The following SIM1 variants were observed in gnomAD, a reference collection of about 807,000 sequenced individuals.
SIM1 encodes the protein single-minded homolog 1.
A neutral mutation model predicts 78.2 loss-of-function variants in SIM1; 18 were observed. The ratio of observed to expected loss-of-function variants is 0.23; its 90% CI spans 0.16 to 0.34. The LOEUF (loss-of-function observed/expected upper bound fraction) is 0.34. SIM1 is among the 10% of genes least tolerant of loss of function. The pLI is 1.00. For missense variants in SIM1, 939 were observed against 975.1 expected, an observed-to-expected ratio of 0.96 and a Z score of 0.49; for synonymous variants, 417 against 385.2, an observed-to-expected ratio of 1.08 and a Z score of -0.97.
At chr6:100,450,663 C>G (rs1049664086) in intron 3 of SIM1, among the ~76,000 whole-genome samples, 57 of 109,094 alleles carry the variant, frequency 5.2e-4, no homozygotes, top group Admixed American at 3.1e-3. Context: ...CACACACACA[C>G]TGTCTCTCTC....
intron 9 of SIM1, among the ~76,000 whole-genome samples, chr6:100,428,318 T>C (rs1251123663): frequency 1.3e-5 from 2 of 152,176 alleles, no homozygotes; most frequent in Non-Finnish European, 2.9e-5. Flanking sequence ...AGAAAGATAG[T>C]GTTTTAGATG....
rs1336670340 is a variant in SIM1 at position 100,388,266 on chromosome 6, C to T, written c.*2095G>A. 6.6e-6 allele frequency: 1 copy of T among 152,156 alleles called. No homozygotes were observed. Among genetic ancestry groups the T allele is most frequent in the African/African-American group, 2.4e-5 (1 of 41,436 alleles). 9.4% of individuals were successfully genotyped at this position (152,156 alleles called of 1,614,324 possible). ...CATACTCAAGTCCTGCCTGTTGGCC[C>T]TGTGGCGCTCACTTATACAAAACAT... On this transcript the variant is annotated 3_prime_UTR_variant, in exon 12 of 12. Coordinates refer to ENST00000369208, the MANE Select transcript of SIM1 (RefSeq NM_005068.3).
intron 3 of SIM1, among the ~76,000 whole-genome samples, chr6:100,452,397 C>T (rs1013561535): frequency 2.0e-5 from 3 of 152,182 alleles, no homozygotes; most frequent in South Asian, 2.1e-4. Context: ...ATCTGGCATG[C>T]GATTGCCCCT....
At chr6:100,433,967 G>A (rs900239827) in intron 9 of SIM1, among the ~76,000 whole-genome samples, 10 of 151,930 alleles carry the variant, frequency 6.6e-5, no homozygotes, top group South Asian at 2.1e-4. Context: ...ATTTCTTACC[G>A]TTACCTTAAT....
intron 10 of SIM1, among the ~76,000 whole-genome samples, chr6:100,408,903 T>A (rs999287281): frequency 6.6e-6 from 1 of 152,156 alleles, no homozygotes; most frequent in Non-Finnish European, 1.5e-5. Context: ...GGCTTCAGTA[T>A]CAGGGTAATG....
chr6:100,458,093 T>C (rs1317915670), intron 2 of SIM1, among the ~76,000 whole-genome samples: 1 of 148,918 alleles, frequency 6.7e-6, no homozygotes, highest in Non-Finnish European at 1.5e-5. Flanking sequence ...GCTCCAGCCC[T>C]CGAGTTTGGG....
chr6:100,463,103 G>T lies in SIM1; in HGVS notation c.175+191C>A, dbSNP rs375052701. ...GAGAAAGTATTGATGGGGAGGTAGA[G>T]GGAGCCTCAAAAAAGCGACAGAAAT... On this transcript the variant is annotated intron_variant, in intron 2 of 11. Transcript: ENST00000369208. 1.3e-4 allele frequency: 69 copies of T among 533,142 alleles called. No individual in the cohort carries two copies. In the Admixed American group the frequency reaches 1.6e-3, roughly 12 times the overall value. The allele number at this position is 533,142 out of a possible 1,614,324, so 33.0% of individuals were successfully genotyped here. A position where few individuals can be genotyped will look rare whatever the true frequency, so the allele number is the denominator to read the frequency against.
At chr6:100,412,657 G>GAAAGAA (rs71028020) in intron 10 of SIM1, among the ~76,000 whole-genome samples, 1 of 91,612 alleles carries the variant, frequency 1.1e-5, no homozygotes, top group African/African-American at 4.0e-5. Flanking sequence ...AAGAAAGAAA[G>GAAAGAA]AGAGAGAGAG....
At chr6:100,438,389 T>C (rs1772114372) in intron 9 of SIM1, among the ~76,000 whole-genome samples, 1 of 152,164 alleles carries the variant, frequency 6.6e-6, no homozygotes, top group Non-Finnish European at 1.5e-5. Context: ...ATCAGGGGAA[T>C]GCAAACTAAA....
chr6:100,430,485 A>G (rs1771872548), intron 9 of SIM1, among the ~76,000 whole-genome samples: 1 of 152,162 alleles, frequency 6.6e-6, no homozygotes, highest in Non-Finnish European at 1.5e-5. Context: ...AATCAAATAT[A>G]AAGAAAAAGT....
chr6:100,444,481 T>G (rs1562253153), intron 9 of SIM1, among the ~76,000 whole-genome samples: 1 of 152,096 alleles, frequency 6.6e-6, no homozygotes, highest in Non-Finnish European at 1.5e-5. Context: ...GAGCAAGGGT[T>G]TAATGAAGAG....
At chr6:100,449,291 C>T (rs1239815724) in intron 6 of SIM1, 72 bp downstream of exon 6, 15 of 1,295,908 alleles carry the variant, frequency 1.2e-5, no homozygotes, top group Non-Finnish European at 6.6e-6. Flanking sequence ...TAGGGACATT[C>T]CTCCCACGCC....
rs1770579494 is a variant in SIM1 at position 100,389,383 on chromosome 6, T to C, written c.*978A>G. On this transcript the variant is annotated 3_prime_UTR_variant, in exon 12 of 12. Transcript: ENST00000369208. The stretch of plus-strand genomic sequence containing the variant: ...TTTCAAACACTTAACACTGCTGTCA[T>C]GTGGCACTTCACTGGTTTTCCTTTT... The C allele has an allele frequency of 2.6e-6, 1 of 379,282 alleles. No individual in the cohort carries two copies. The allele number at this position is 379,282 out of a possible 1,614,324, so 23.5% of individuals were successfully genotyped here. A position where few individuals can be genotyped will look rare whatever the true frequency, so the allele number is the denominator to read the frequency against.
chr6:100,402,567 CTTTTTTTTTT>C (rs869130841), intron 10 of SIM1, among the ~76,000 whole-genome samples: 11 of 76,336 alleles, frequency 1.4e-4, no homozygotes, highest in South Asian at 9.9e-4. Context: ...TTTCTTTTCT[CTTTTTTTTTT>C]TTTTTTTTTT....
intron 10 of SIM1, among the ~76,000 whole-genome samples, chr6:100,418,392 T>A (rs200084189): frequency 8.1e-6 from 1 of 123,466 alleles, no homozygotes; most frequent in Non-Finnish European, 1.7e-5. Context: ...ATAAATAAAA[T>A]AAAAAATTAA....
chr6:100,454,941 T>C (rs1772609077), intron 2 of SIM1, among the ~76,000 whole-genome samples: 1 of 152,160 alleles, frequency 6.6e-6, no homozygotes, highest in African/African-American at 2.4e-5. Context: ...CCTTTTATCC[T>C]TACACCATTA....
chr6:100,412,325 T>C (rs1771210840), intron 10 of SIM1, among the ~76,000 whole-genome samples: 1 of 151,634 alleles, frequency 6.6e-6, no homozygotes, highest in Non-Finnish European at 1.5e-5. Flanking sequence ...TCACCTGAGG[T>C]CATGAGTTCA....
intron 10 of SIM1, among the ~76,000 whole-genome samples, chr6:100,412,671 G>GAAAA (rs1177089116): frequency 2.6e-4 from 25 of 96,462 alleles, no homozygotes; most frequent in Middle Eastern, 5.7e-3. Context: ...GAGAGAGAGA[G>GAAAA]AGAAAGAAAG....
At chr6:100,406,432 G>A (rs1771052169) in intron 10 of SIM1, among the ~76,000 whole-genome samples, 1 of 152,104 alleles carries the variant, frequency 6.6e-6, no homozygotes, top group Non-Finnish European at 1.5e-5. Flanking sequence ...AGCTGTTCTT[G>A]GGAGTGTCCT....
Sources: allele counts gnomAD v4.1 joint callset (sites outside exome capture counted in the v4.1 genomes callset), GRCh38; gene constraint gnomAD v4.1.1; transcripts MANE v1.5; gene names NCBI Gene and HGNC (gene_info 2026-07-23, HGNC 2026-07-21).